Variants in RNGTT observed in about 807,000 individuals in gnomAD.
The protein encoded by RNGTT is mRNA-capping enzyme.
In RNGTT, 33 loss-of-function variants were observed where a neutral mutation model predicts 79.3. The observed-to-expected ratio is 0.42, with a 90% CI of 0.32 to 0.56. The LOEUF (loss-of-function observed/expected upper bound fraction) is 0.56, where lower values mean the gene tolerates loss of function less well. Ranked by LOEUF, RNGTT falls within the 20% of genes least tolerant of loss-of-function variation. The pLI, the probability that RNGTT is intolerant of heterozygous loss-of-function variation, is 0.17. For synonymous variants in RNGTT, 222 were observed against 235.9 expected (o/e 0.94, Z 0.54); for missense variants, 497 against 739.1 (o/e 0.67, Z 3.80).
intron 12 of RNGTT, among the ~76,000 whole-genome samples, chr6:88,772,627 A>G (rs1488206562): frequency 9.5e-6 from 1 of 105,462 alleles, no homozygotes; most frequent in East Asian, 2.1e-4. Context: ...AATTTACAAG[A>G]AAAAAAAAGA....
intron 14 of RNGTT, among the ~76,000 whole-genome samples, chr6:88,658,980 G>A (rs978417930): frequency 6.6e-6 from 1 of 152,230 alleles, no homozygotes; most frequent in African/African-American, 2.4e-5. Flanking sequence ...TCAGCTTGCA[G>A]ACGGCCTATT....
At chr6:88,614,540 C>T (rs1185410836) in intron 14 of RNGTT, 145 bp from the exon 15 acceptor site, 4 of 736,170 alleles carry the variant, frequency 5.4e-6, no homozygotes, top group East Asian at 2.6e-5. Flanking sequence ...AGTATCTAAT[C>T]AAGCTTAAGG....
intron 12 of RNGTT, among the ~76,000 whole-genome samples, chr6:88,790,723 T>G (rs1368584635): frequency 6.6e-6 from 1 of 152,230 alleles, no homozygotes; most frequent in African/African-American, 2.4e-5. Context: ...ATGTATTACT[T>G]GCCCTGCACT....
At chr6:88,696,578 C>A (rs1159384238) in intron 13 of RNGTT, among the ~76,000 whole-genome samples, 3 of 148,486 alleles carry the variant, frequency 2.0e-5, no homozygotes, top group African/African-American at 7.5e-5. Flanking sequence ...ACATTGACTG[C>A]AGGATGAACA....
intron 15 of RNGTT, among the ~76,000 whole-genome samples, chr6:88,613,647 T>C (rs1350927844): frequency 2.0e-5 from 3 of 152,176 alleles, no homozygotes; most frequent in African/African-American, 7.2e-5. Context: ...TATCTTGGTT[T>C]TTACCTTTTT....
intron 5 of RNGTT, 51 bp from the exon 6 acceptor site, chr6:88,905,006 G>A: frequency 6.3e-7 from 1 of 1,578,474 alleles, no homozygotes; most frequent in Non-Finnish European, 8.6e-7. Flanking sequence ...TATTTATGCA[G>A]GCTTATCAAA....
intron 14 of RNGTT, among the ~76,000 whole-genome samples, chr6:88,635,205 T>C (rs1477002570): frequency 6.6e-6 from 1 of 152,128 alleles, no homozygotes; most frequent in Admixed American, 6.6e-5. Context: ...TGCTTATGTA[T>C]GTATGCTTAC....
rs201264474 is a variant in RNGTT, at chr6:88,798,294, GTATC to G, written c.1338+3266_1338+3269del. On this transcript the variant is annotated intron_variant, in intron 12 of 15. Transcript: ENST00000369485. Reference sequence around the variant, plus strand: ...AGCCTCGGCAACAAGGCAAAACCCCGTATCTACGAAAAATACAAAAATTAGCAAG... The same window carrying G: ...AGCCTCGGCAACAAGGCAAAACCCCGTACGAAAAATACAAAAATTAGCAAG... Among the ~76,000 whole-genome samples, 857 of 152,000 alleles carry G rather than the reference GTATC, an allele frequency of 5.6e-3. 16 individuals are homozygous for G. Among genetic ancestry groups the G allele is most frequent in the East Asian group, 0.034 (178 of 5,168 alleles).
chr6:88,849,371 T>C (rs946551603), intron 10 of RNGTT, among the ~76,000 whole-genome samples: 2 of 152,058 alleles, frequency 1.3e-5, no homozygotes, highest in Non-Finnish European at 2.9e-5. Flanking sequence ...TTATTACCCA[T>C]TCAACAGCTC....
intron 8 of RNGTT, among the ~76,000 whole-genome samples, chr6:88,872,002 A>G: frequency 6.6e-6 from 1 of 152,046 alleles, no homozygotes; most frequent in East Asian, 1.9e-4. Context: ...ACTGAAGCCT[A>G]TTCTCCACCT....
At chr6:88,865,066 T>C (rs904708631) in intron 8 of RNGTT, among the ~76,000 whole-genome samples, 1 of 152,090 alleles carries the variant, frequency 6.6e-6, no homozygotes, top group Non-Finnish European at 1.5e-5. Flanking sequence ...TATTTTTAAA[T>C]GGTTAAAATG....
At chr6:88,961,808 A>C (rs1006969180) in intron 1 of RNGTT, among the ~76,000 whole-genome samples, 1 of 152,172 alleles carries the variant, frequency 6.6e-6, no homozygotes, top group African/African-American at 2.4e-5. Context: ...AGACTTACAC[A>C]AGAGAAATGA....
intron 1 of RNGTT, among the ~76,000 whole-genome samples, chr6:88,943,566 A>G (rs1784917130): frequency 6.6e-6 from 1 of 151,492 alleles, no homozygotes; most frequent in Non-Finnish European, 1.5e-5. Context: ...GTGAAAAGGA[A>G]AAAAAAAACA....
chr6:88,740,149 C>A (rs1244240663), intron 13 of RNGTT, among the ~76,000 whole-genome samples: 1 of 151,896 alleles, frequency 6.6e-6, no homozygotes, highest in African/African-American at 2.4e-5. Flanking sequence ...AAAGAATACT[C>A]AGGAGAAAGC....
chr6:88,704,147 C>T (rs986540126), intron 13 of RNGTT, among the ~76,000 whole-genome samples: 3 of 150,570 alleles, frequency 2.0e-5, no homozygotes, highest in Admixed American at 1.3e-4. Context: ...GTAATCCCAG[C>T]TACTCGGGAG....
intron 14 of RNGTT, among the ~76,000 whole-genome samples, chr6:88,664,559 G>C (rs567402468): frequency 9.9e-5 from 15 of 152,278 alleles, no homozygotes; most frequent in South Asian, 8.3e-4. Context: ...AGCTATTAGA[G>C]GGGTCCCCCT....
intron 13 of RNGTT, among the ~76,000 whole-genome samples, chr6:88,688,467 A>C (rs2127794396): frequency 6.6e-6 from 1 of 152,350 alleles, no homozygotes; most frequent in African/African-American, 2.4e-5. Context: ...ACCTAGGATT[A>C]GATTTTTATT....
intron 1 of RNGTT, among the ~76,000 whole-genome samples, chr6:88,962,255 A>C (rs1785655186): frequency 6.6e-6 from 1 of 152,192 alleles, no homozygotes; most frequent in Non-Finnish European, 1.5e-5. Context: ...ATACAGTCAA[A>C]ATTTATCAAA....
At chr6:88,730,870 A>T (rs773581459) in intron 13 of RNGTT, among the ~76,000 whole-genome samples, 8 of 152,224 alleles carry the variant, frequency 5.3e-5, no homozygotes, top group African/African-American at 1.9e-4. Flanking sequence ...ATCTGAGGGA[A>T]GGGAAAGTAA....
Sources: allele counts gnomAD v4.1 joint callset (sites outside exome capture counted in the v4.1 genomes callset), GRCh38; gene constraint gnomAD v4.1.1; transcripts MANE v1.5; gene names NCBI Gene and HGNC (gene_info 2026-07-23, HGNC 2026-07-21).